Variants in SRRM1 observed in about 807,000 individuals in gnomAD.
The protein encoded by SRRM1 is serine/arginine repetitive matrix protein 1.
A neutral mutation model predicts 110.2 loss-of-function variants in SRRM1; 19 were observed. The ratio of observed to expected loss-of-function variants is 0.17; its 90% CI spans 0.12 to 0.25. The LOEUF is 0.25. Ranked by LOEUF, SRRM1 falls within the 10% of genes least tolerant of loss-of-function variation. SRRM1 has a pLI of 1.00. For synonymous variants in SRRM1, 443 were observed against 414.9 expected, an observed-to-expected ratio of 1.07 and a Z score of -0.82; for missense variants, 918 against 1,145.8, an observed-to-expected ratio of 0.80 and a Z score of 2.87.
chr1:24,663,055 T>G, intron 12 of SRRM1: 8 of 996,812 alleles, frequency 8.0e-6, no homozygotes, highest in Middle Eastern at 2.3e-4. Context: ...TAAACCAAAC[T>G]ATTATAGCAG....
intron 3 of SRRM1, 74 bp from the exon 4 acceptor site, chr1:24,648,784 GT>G: frequency 7.2e-7 from 1 of 1,385,526 alleles, no homozygotes; most frequent in East Asian, 2.3e-5. Flanking sequence ...ATTTAAATGA[GT>G]TTTAGGTTGG....
Position 24,649,057 on chromosome 1 carries a change from C to A in SRRM1, c.405+28C>A. 7 of 1,601,200 alleles carry A rather than the reference C, an allele frequency of 4.4e-6. No individual in the cohort carries two copies. The South Asian group carries it at 4.4e-5, about 10-fold the overall frequency. ...AATAACCTTTTCTTTTCTGTAATGTCGATTTGAGAGTATTGGCCAGGCTGC... is the reference window on the plus strand; with the variant it reads ...AATAACCTTTTCTTTTCTGTAATGTAGATTTGAGAGTATTGGCCAGGCTGC... On this transcript the variant is annotated intron_variant, in intron 4 of 16. Coordinates refer to ENST00000323848, the MANE Select transcript of SRRM1 (RefSeq NM_005839.4).
At chr1:24,658,111 A>G (rs1665209772) in intron 9 of SRRM1, among the ~76,000 whole-genome samples, 1 of 152,228 alleles carries the variant, frequency 6.6e-6, no homozygotes, top group Non-Finnish European at 1.5e-5. Context: ...CTAGAAAAAT[A>G]GAAATCTGAA....
At chr1:24,663,299 C>T (rs1668180985) in intron 12 of SRRM1, 1 of 1,149,920 alleles carries the variant, frequency 8.7e-7, no homozygotes, top group Non-Finnish European at 1.2e-6. Context: ...ATTTAGGTGA[C>T]CTCATCTCAT....
At position 24,672,306 on chromosome 1, in the gene SRRM1, T is replaced by C; in HGVS notation, c.*20T>C. 6.5e-7 allele frequency: 1 copy of C among 1,544,542 alleles called. No individual in the cohort carries two copies. Among genetic ancestry groups the C allele is most frequent in the Non-Finnish European group, 8.8e-7 (1 of 1,132,770 alleles). On this transcript the variant is annotated 3_prime_UTR_variant, in exon 17 of 17. Coordinates refer to ENST00000323848, the MANE Select transcript of SRRM1 (RefSeq NM_005839.4). ...TCTTAGGGGGAAATGTTTGTTATGA[T>C]GTAAATTTTATTTGGTTTGTACGCA...
At chr1:24,666,946 A>G in intron 13 of SRRM1, 21 bp downstream of exon 13, 1 of 1,548,352 alleles carries the variant, frequency 6.5e-7, no homozygotes, top group Non-Finnish European at 8.8e-7. Context: ...AAATATGCTA[A>G]CTGGAGCATC....
Position 24,651,543 on chromosome 1 carries a change from A to G in SRRM1, c.656A>G (p.Lys219Arg). ...TCCCCTGCTCCAGAAAAGAAGGAAA[A>G]AACTCCAGAGCTCCCAGAACCTTCA... ...SPSPAPEKKE[K>R]TPELPEPSVK... The change falls in exon 6 of 17, where the codon AAA (lysine) becomes AGA (arginine). Residue 219 changes from lysine (K) to arginine (R), a missense_variant. Around this residue, in one of 5 missense-constraint regions of SRRM1, gnomAD observed 456 missense variants for 453.5 expected, o/e 1.01. Transcript: ENST00000323848. 6.2e-7 allele frequency: 1 copy of G among 1,614,102 alleles called. No homozygotes were observed. Among genetic ancestry groups the G allele is most frequent in the Non-Finnish European group, 8.5e-7 (1 of 1,180,020 alleles).
chr1:24,650,215 C>G (rs923723016), intron 5 of SRRM1, 129 bp downstream of exon 5: 28 of 836,816 alleles, frequency 3.3e-5, no homozygotes, highest in African/African-American at 5.3e-5. Flanking sequence ...TCATGGTGAC[C>G]TGTGCCTTGC....
chr1:24,650,788 C>T (rs748658440), intron 5 of SRRM1, among the ~76,000 whole-genome samples: 3 of 152,140 alleles, frequency 2.0e-5, no homozygotes, highest in Non-Finnish European at 2.9e-5. Context: ...GAGCTAAGCA[C>T]AAATTGTCAT....
rs1031119900 is a variant in SRRM1 at position 24,644,097 on chromosome 1, T to C, written c.21+750T>C. 4.6e-5 allele frequency among the ~76,000 whole-genome samples: 7 copies of C among 152,258 alleles called. No individual in the cohort carries two copies. The East Asian group carries it at 1.4e-3, about 29-fold the overall frequency. On this transcript the variant is annotated intron_variant, in intron 1 of 16. Transcript: ENST00000323848. ...CCACATCCCTCACCACCCGCCACCA[T>C]CGTGTTTTACTCTTGGAGTCCGCTG...
chr1:24,654,792 C>T, intron 8 of SRRM1, 63 bp from the exon 9 acceptor site: 1 of 1,588,774 alleles, frequency 6.3e-7, no homozygotes, highest in South Asian at 1.1e-5. Context: ...GTAAACTGTT[C>T]ATACCTGTAA....
At chr1:24,663,247 A>C in intron 12 of SRRM1, 1 of 1,482,546 alleles carries the variant, frequency 6.7e-7, no homozygotes, top group Non-Finnish European at 9.1e-7. Context: ...CTACTTTGTA[A>C]ATTAGGGTTA....
chr1:24,652,529 C>T lies in SRRM1; in HGVS notation c.821C>T (p.Thr274Ile). 1.2e-6 allele frequency: 2 copies of T among 1,613,322 alleles called. No homozygotes were observed. Among genetic ancestry groups the T allele is most frequent in the Non-Finnish European group, 1.7e-6 (2 of 1,179,768 alleles). Residue 274 changes from threonine (T) to isoleucine (I), a missense_variant, in exon 7 of 17, where the codon ACC becomes ATC. By Grantham distance (89) the Thr-to-Ile change is moderately conservative. This residue lies in a region of SRRM1 where 456 missense variants were observed against 453.5 expected (regional missense o/e 1.01). Transcript: ENST00000323848. ...AAAAAAGAAAAGGAGAAGGAGAAGA[C>T]CCGACCACGATCTCGGTCACGCTCC... ...NSKKEKEKEK[T>I]RPRSRSRSKS...
intron 13 of SRRM1, among the ~76,000 whole-genome samples, chr1:24,667,912 T>G (rs1293800576): frequency 1.3e-5 from 2 of 151,794 alleles, no homozygotes; most frequent in Non-Finnish European, 2.9e-5. Flanking sequence ...GGAAAATGTT[T>G]TAATGTCATT....
rs1667128948 is a variant in SRRM1 at position 24,661,344 on chromosome 1, T to G, written c.1431T>G (p.Asp477Glu). The part of the protein sequence containing the change: ...EDKGGKMAAA[D>E]SVQQRRQYRR... ...AAGGTGGCAAAATGGCTGCAGCAGA[T>G]TCTGTGCAGCAGAGACGCCAATACA... is the stretch of plus-strand genomic sequence containing the variant. Residue 477 changes from aspartate (D) to glutamate (E), a missense_variant, in exon 11 of 17, where the codon GAT becomes GAG. Asp to Glu is a conservative substitution (Grantham distance 45). This residue lies in a region of SRRM1 where 456 missense variants were observed against 453.5 expected (regional missense o/e 1.01). Transcript: ENST00000323848. 1 of 1,613,464 alleles carries G rather than the reference T, an allele frequency of 6.2e-7. No individual in the cohort carries two copies. Among genetic ancestry groups the G allele is most frequent in the Non-Finnish European group, 8.5e-7 (1 of 1,179,570 alleles).
At chr1:24,658,029 C>A (rs1166517224) in intron 9 of SRRM1, among the ~76,000 whole-genome samples, 1 of 152,052 alleles carries the variant, frequency 6.6e-6, no homozygotes, top group African/African-American at 2.4e-5. Context: ...TTTCTGACTT[C>A]ATGCTAGAAT....
chr1:24,662,865 C>G, intron 12 of SRRM1, 61 bp downstream of exon 12: 1 of 1,574,160 alleles, frequency 6.4e-7, no homozygotes, highest in Non-Finnish European at 8.7e-7. Flanking sequence ...AATTTGATAA[C>G]TTGGGATTAT....
chr1:24,661,179 A>T (rs12092127), intron 10 of SRRM1, 131 bp from the exon 11 acceptor site: 20,351 of 592,766 alleles, frequency 0.034, 587 homozygotes, highest in African/African-American at 0.11. Context: ...AACTCTTTTT[A>T]AAAAAAATAT....
intron 3 of SRRM1, chr1:24,647,477 A>G (rs1236037602): frequency 1.3e-5 from 2 of 152,406 alleles, no homozygotes; most frequent in African/African-American, 4.8e-5. Flanking sequence ...GCAGCATATA[A>G]TTGTTCCTTT....
Sources: allele counts gnomAD v4.1 joint callset (sites outside exome capture counted in the v4.1 genomes callset), GRCh38; gene constraint gnomAD v4.1.1; regional missense constraint gnomAD v4.1.1; transcripts MANE v1.5; gene names NCBI Gene and HGNC (gene_info 2026-07-23, HGNC 2026-07-21).